Variants in DPP10 observed in about 807,000 individuals in gnomAD.
DPP10 encodes the protein inactive dipeptidyl peptidase 10.
Under a neutral mutation model 120.9 loss-of-function variants are expected in DPP10, and 33 were observed. The ratio of observed to expected loss-of-function variants is 0.27; its 90% CI spans 0.21 to 0.37. The LOEUF is 0.37. DPP10 is among the 10% of genes least tolerant of loss of function. DPP10 has a pLI of 1.00. For missense variants in DPP10, 816 were observed against 942.8 expected, an observed-to-expected ratio of 0.87 and a Z score of 1.76; for synonymous variants, 337 against 326.1, an observed-to-expected ratio of 1.03 and a Z score of -0.36.
chr2:114,520,544 A>G (rs1046621819), intron 1 of DPP10, among the ~76,000 whole-genome samples: 5 of 152,242 alleles, frequency 3.3e-5, no homozygotes, highest in Admixed American at 6.5e-5. Flanking sequence ...GAGGGCCACA[A>G]TGAAGCATGA....
chr2:115,517,393 C>CAT lies in DPP10; in HGVS notation c.367-8496_367-8495dup, dbSNP rs1219053987. ...ATGTCTAACTCAGTTTGCTTTGATA[C>CAT]ATATATATATGTTTGCCTATATGAT... On this transcript the variant is annotated intron_variant, in intron 4 of 25. Coordinates refer to ENST00000410059, the MANE Select transcript of DPP10 (RefSeq NM_020868.6). Among the ~76,000 whole-genome samples the CAT allele has an allele frequency of 4.6e-5, 7 of 152,164 alleles. No individual in the cohort carries two copies. In the East Asian group the frequency reaches 9.7e-4, roughly 21 times the overall value.
intron 1 of DPP10, among the ~76,000 whole-genome samples, chr2:114,943,631 CTT>C (rs1345327528): frequency 1.3e-5 from 2 of 152,140 alleles, no homozygotes; most frequent in African/African-American, 4.8e-5. Context: ...GGTTCCAAGT[CTT>C]TGCTATTGTG....
intron 3 of DPP10, among the ~76,000 whole-genome samples, chr2:115,374,005 G>T (rs2065605205): frequency 6.6e-6 from 1 of 151,944 alleles, no homozygotes; most frequent in Non-Finnish European, 1.5e-5. Flanking sequence ...CCATGTTCCA[G>T]TCACCTCCCA....
chr2:115,746,258 G>C (rs955463258), intron 10 of DPP10, 75 bp downstream of exon 10: 28 of 1,274,432 alleles, frequency 2.2e-5, no homozygotes, highest in Non-Finnish European at 2.9e-5. Flanking sequence ...GCAATTTAGA[G>C]AGAGATGTGA....
At chr2:114,715,363 C>T (rs1228583691) in intron 1 of DPP10, among the ~76,000 whole-genome samples, 1 of 151,900 alleles carries the variant, frequency 6.6e-6, no homozygotes, top group Non-Finnish European at 1.5e-5. Flanking sequence ...ATACTTTATT[C>T]GTTGAAGAGG....
chr2:115,289,514 G>GAAAAAAAAAA, intron 1 of DPP10, among the ~76,000 whole-genome samples: 1 of 125,892 alleles, frequency 7.9e-6, no homozygotes, highest in Admixed American at 7.7e-5. Context: ...AGGAAGAAAA[G>GAAAAAAAAAA]AAAAGAAAAA....
intron 1 of DPP10, among the ~76,000 whole-genome samples, chr2:114,851,764 A>T (rs1688959749): frequency 6.6e-6 from 1 of 152,166 alleles, no homozygotes; most frequent in African/African-American, 2.4e-5. Context: ...CAGCTCAGAA[A>T]AAAAGCACAT....
chr2:115,690,065 G>T, intron 7 of DPP10, 144 bp downstream of exon 7: 2 of 690,738 alleles, frequency 2.9e-6, no homozygotes, highest in East Asian at 2.8e-5. Flanking sequence ...TTATCTAATA[G>T]TCCAACTTAA....
intron 1 of DPP10, among the ~76,000 whole-genome samples, chr2:115,109,467 C>T (rs1428085800): frequency 6.6e-6 from 1 of 151,494 alleles, no homozygotes. Flanking sequence ...AACAAGGAGG[C>T]GGAGGTTGCA....
chr2:115,439,377 G>GTTTCATCC (rs2071808202), intron 3 of DPP10, among the ~76,000 whole-genome samples: 1 of 152,192 alleles, frequency 6.6e-6, no homozygotes, highest in Admixed American at 6.5e-5. Flanking sequence ...ATGATGAAAC[G>GTTTCATCC]TGTCAGGACA....
intron 21 of DPP10, among the ~76,000 whole-genome samples, chr2:115,819,104 A>G (rs1468894259): frequency 6.6e-6 from 1 of 152,208 alleles, no homozygotes; most frequent in Non-Finnish European, 1.5e-5. Context: ...TTGGAAAACA[A>G]TGTTCTTGCT....
At chr2:115,173,429 C>T (rs1248372251) in intron 1 of DPP10, among the ~76,000 whole-genome samples, 1 of 152,032 alleles carries the variant, frequency 6.6e-6, no homozygotes, top group Admixed American at 6.6e-5. Flanking sequence ...GTTATGTAAA[C>T]CTCAAAATGA....
intron 7 of DPP10, among the ~76,000 whole-genome samples, chr2:115,706,697 A>G (rs1386416277): frequency 1.3e-5 from 2 of 152,000 alleles, no homozygotes; most frequent in Non-Finnish European, 2.9e-5. Context: ...AGCAGTCTAA[A>G]CAAAAACTTA....
At chr2:115,344,135 C>CAAAAAAAAAAAAAAAAAA (rs751004918) in intron 3 of DPP10, among the ~76,000 whole-genome samples, 1 of 49,278 alleles carries the variant, frequency 2.0e-5, no homozygotes, top group Non-Finnish European at 4.3e-5. Context: ...GACTCCATCT[C>CAAAAAAAAAAAAAAAAAA]AAAAAAAAAA....
chr2:114,943,970 G>A (rs1697165938), intron 1 of DPP10, among the ~76,000 whole-genome samples: 1 of 152,160 alleles, frequency 6.6e-6, no homozygotes, highest in Admixed American at 6.5e-5. Flanking sequence ...TGGCTGCACA[G>A]TGTCCCATTG....
intron 1 of DPP10, among the ~76,000 whole-genome samples, chr2:114,993,920 T>C (rs1318609691): frequency 6.6e-6 from 1 of 152,132 alleles, no homozygotes; most frequent in Non-Finnish European, 1.5e-5. Context: ...CACTATTTCC[T>C]CCTTGAATAG....
At chr2:114,634,992 T>G (rs1431670582) in intron 1 of DPP10, among the ~76,000 whole-genome samples, 1 of 151,942 alleles carries the variant, frequency 6.6e-6, no homozygotes. Context: ...TTGCTGATTT[T>G]GGTTCATTTT....
At chr2:115,099,076 G>A (rs2048548413) in intron 1 of DPP10, among the ~76,000 whole-genome samples, 1 of 150,786 alleles carries the variant, frequency 6.6e-6, no homozygotes, top group African/African-American at 2.4e-5. Flanking sequence ...CTTGAGGTCA[G>A]GAGTTCAAAA....
At chr2:115,025,768 T>G (rs946379364) in intron 1 of DPP10, among the ~76,000 whole-genome samples, 16 of 152,304 alleles carry the variant, frequency 1.1e-4, no homozygotes, top group Non-Finnish European at 1.6e-4. Context: ...GTTGAGCTTT[T>G]TTTTATATAT....
Sources: gnomAD v4.1 joint callset for allele counts (sites outside exome capture counted in the v4.1 genomes callset) on GRCh38, gnomAD v4.1.1 for gene constraint, MANE v1.5 for transcripts, NCBI Gene and HGNC (gene_info 2026-07-23, HGNC 2026-07-21) for gene names.